The following CAMK1D variants were observed in gnomAD, a reference collection of about 807,000 sequenced individuals.
CAMK1D encodes calcium/calmodulin dependent protein kinase ID, also known as calcium/calmodulin-dependent protein kinase type 1D.
Under a neutral mutation model 47.7 loss-of-function variants are expected in CAMK1D, and 9 were observed. That is an observed-to-expected ratio of 0.19 (90% CI 0.11 to 0.33). CAMK1D has a LOEUF of 0.33. CAMK1D is among the 10% of genes least tolerant of loss of function. CAMK1D has a pLI of 1.00. For synonymous variants in CAMK1D, 184 were observed against 184.9 expected, an observed-to-expected ratio of 0.99 and a Z score of 0.04; for missense variants, 291 against 488.7, an observed-to-expected ratio of 0.60 and a Z score of 3.81.
At chr10:12,628,183 A>T (rs1362156056) in intron 2 of CAMK1D, among the ~76,000 whole-genome samples, 1 of 152,140 alleles carries the variant, frequency 6.6e-6, no homozygotes, top group African/African-American at 2.4e-5. Flanking sequence ...GTGTTTGTGT[A>T]GACCTATGTT....
At chr10:12,700,642 A>G (rs190627230) in intron 3 of CAMK1D, among the ~76,000 whole-genome samples, 1 of 152,320 alleles carries the variant, frequency 6.6e-6, no homozygotes, top group Admixed American at 6.5e-5. Flanking sequence ...AAGCAAACAT[A>G]TATGAAAGAC....
At chr10:12,477,220 A>T (rs1452563529) in intron 1 of CAMK1D, among the ~76,000 whole-genome samples, 1 of 152,196 alleles carries the variant, frequency 6.6e-6, no homozygotes, top group African/African-American at 2.4e-5. Flanking sequence ...GTTCGAGTCC[A>T]GCCTGGCCAA....
intron 3 of CAMK1D, among the ~76,000 whole-genome samples, chr10:12,688,639 G>A (rs1469738961): frequency 6.6e-6 from 1 of 152,096 alleles, no homozygotes; most frequent in Non-Finnish European, 1.5e-5. Context: ...GGCAGCATTA[G>A]TTTAGCCTCA....
chr10:12,615,578 T>G (rs10906185), intron 2 of CAMK1D, among the ~76,000 whole-genome samples: 1 of 13,210 alleles, frequency 7.6e-5, no homozygotes, highest in East Asian at 0.5. Context: ...TGTGTGTGCG[T>G]GTGTGTAGGT....
At chr10:12,552,908 A>AT (rs1420437570) in intron 1 of CAMK1D, among the ~76,000 whole-genome samples, 35 of 152,024 alleles carry the variant, frequency 2.3e-4, no homozygotes, top group South Asian at 8.3e-4. Context: ...CCTCTGGCTA[A>AT]TTTTTTGTAT....
At chr10:12,517,468 T>C (rs1031163449) in intron 1 of CAMK1D, among the ~76,000 whole-genome samples, 7 of 152,248 alleles carry the variant, frequency 4.6e-5, no homozygotes, top group African/African-American at 1.7e-4. Flanking sequence ...ACAGAAACCA[T>C]TCAGGCTTTT....
chr10:12,485,388 G>C lies in CAMK1D; in HGVS notation c.93-67837G>C, dbSNP rs542312827. On this transcript the variant is annotated intron_variant, in intron 1 of 10. Transcript: ENST00000619168. The stretch of plus-strand genomic sequence containing the variant: ...TGGAGCTCCTCGTGCCCCCTGTCGT[G>C]GGGGAGGGAGTAGAAACAGGCAGCA... Among the ~76,000 whole-genome samples, 37 of 152,268 alleles carry C rather than the reference G, an allele frequency of 2.4e-4. 2 individuals are homozygous for C. The South Asian group carries it at 3.1e-3, about 13-fold the overall frequency.
At chr10:12,461,988 C>T (rs1269453506) in intron 1 of CAMK1D, among the ~76,000 whole-genome samples, 2 of 62,222 alleles carry the variant, frequency 3.2e-5, no homozygotes, top group Admixed American at 3.0e-4. Context: ...CCCAGCGCTT[C>T]TTACGTCTTA....
At chr10:12,478,508 T>C (rs765751884) in intron 1 of CAMK1D, among the ~76,000 whole-genome samples, 83 of 152,172 alleles carry the variant, frequency 5.5e-4, no homozygotes, top group Non-Finnish European at 1.0e-3. Context: ...TGTCTCTTTA[T>C]GTTGCCCAGG....
chr10:12,453,969 G>A (rs563240083), intron 1 of CAMK1D, among the ~76,000 whole-genome samples: 11 of 152,148 alleles, frequency 7.2e-5, no homozygotes, highest in Non-Finnish European at 1.0e-4. Flanking sequence ...CAATAAAAAT[G>A]CTGAAGAGGA....
intron 3 of CAMK1D, among the ~76,000 whole-genome samples, chr10:12,697,699 A>C (rs144100877): frequency 6.6e-6 from 1 of 152,344 alleles, no homozygotes; most frequent in Non-Finnish European, 1.5e-5. Flanking sequence ...CCACCCAGCC[A>C]AATGCAAAGA....
chr10:12,458,818 T>C (rs1267030394), intron 1 of CAMK1D, among the ~76,000 whole-genome samples: 2 of 152,184 alleles, frequency 1.3e-5, no homozygotes, highest in African/African-American at 4.8e-5. Context: ...GATTACATTT[T>C]ATCATCATAT....
At chr10:12,528,636 T>C (rs760048303) in intron 1 of CAMK1D, among the ~76,000 whole-genome samples, 1 of 151,968 alleles carries the variant, frequency 6.6e-6, no homozygotes, top group Non-Finnish European at 1.5e-5. Flanking sequence ...CACACCCTCA[T>C]GGGTAGGAAG....
At chr10:12,363,947 G>T (rs903007356) in intron 1 of CAMK1D, among the ~76,000 whole-genome samples, 2 of 152,110 alleles carry the variant, frequency 1.3e-5, no homozygotes, top group African/African-American at 2.4e-5. Context: ...CGTGCCTCCA[G>T]TTCTTTTGGG....
At chr10:12,540,762 C>G (rs955354739) in intron 1 of CAMK1D, among the ~76,000 whole-genome samples, 7 of 152,106 alleles carry the variant, frequency 4.6e-5, no homozygotes, top group African/African-American at 1.7e-4. Context: ...GTGGAATTCA[C>G]CAGTTAAAGA....
At chr10:12,367,883 G>A (rs1341876857) in intron 1 of CAMK1D, among the ~76,000 whole-genome samples, 2 of 152,106 alleles carry the variant, frequency 1.3e-5, no homozygotes, top group Non-Finnish European at 2.9e-5. Flanking sequence ...GGGGGCTGTG[G>A]ACCCCTGGCT....
chr10:12,694,939 A>T (rs534615393), intron 3 of CAMK1D, among the ~76,000 whole-genome samples: 3 of 152,214 alleles, frequency 2.0e-5, no homozygotes, highest in Non-Finnish European at 4.4e-5. Context: ...TACAATAAAG[A>T]TACACTCAGG....
intron 1 of CAMK1D, among the ~76,000 whole-genome samples, chr10:12,429,593 G>A (rs910287482): frequency 1.4e-4 from 21 of 152,252 alleles, no homozygotes; most frequent in African/African-American, 4.3e-4. Flanking sequence ...ACTCACCTCA[G>A]CCTCCCAAAG....
At chr10:12,483,299 T>C (rs889999960) in intron 1 of CAMK1D, among the ~76,000 whole-genome samples, 8 of 152,012 alleles carry the variant, frequency 5.3e-5, no homozygotes, top group Non-Finnish European at 7.4e-5. Context: ...CCTCCTGGGC[T>C]CAAGCAGTCC....
Sources: allele counts gnomAD v4.1 joint callset (sites outside exome capture counted in the v4.1 genomes callset), GRCh38; gene constraint gnomAD v4.1.1; transcripts MANE v1.5; gene names NCBI Gene and HGNC (gene_info 2026-07-23, HGNC 2026-07-21).